Variants in ZBBX observed in about 807,000 individuals in gnomAD.
The protein encoded by ZBBX is zinc finger B-box domain-containing protein 1.
In ZBBX, 101 loss-of-function variants were observed where a neutral mutation model predicts 108.5. The ratio of observed to expected loss-of-function variants is 0.93; its 90% CI spans 0.79 to 1.10. The LOEUF (loss-of-function observed/expected upper bound fraction) is 1.10, where lower values mean the gene tolerates loss of function less well. ZBBX is among the 50% of genes least tolerant of loss of function. The pLI is 0.00. For missense variants in ZBBX, 1,009 were observed against 941.4 expected, an observed-to-expected ratio of 1.07 and a Z score of -0.94; for synonymous variants, 356 against 323.4, an observed-to-expected ratio of 1.10 and a Z score of -1.08.
rs1733529947 is a variant in ZBBX, at chr3:167,305,802, G to A, written c.1566C>T (p.Ser522=). Residue 522 remains serine, a synonymous_variant, in exon 17 of 22, where the codon TCC becomes TCT. Transcript: ENST00000675490. ...TGTCCTTGCTTTCAAGTGATACACA[G>A]GAATCATCAGACTTTTGATTACTTT... ...GLESNQKSDD[S]CVSLESKDTL... is the part of the protein sequence containing the mutation. 6.2e-7 allele frequency: 1 copy of A among 1,612,736 alleles called. No homozygotes were observed. Among genetic ancestry groups the A allele is most frequent in the East Asian group, 2.2e-5 (1 of 44,750 alleles).
At chr3:167,388,543 C>G (rs1285297457) in intron 1 of ZBBX, among the ~76,000 whole-genome samples, 1 of 151,978 alleles carries the variant, frequency 6.6e-6, no homozygotes, top group Non-Finnish European at 1.5e-5. Context: ...GTATTAAGGA[C>G]TCAATCACTG....
chr3:167,186,254 T>C, the ZBBX span, among the ~76,000 whole-genome samples: 1 of 152,102 alleles, frequency 6.6e-6, no homozygotes, highest in Admixed American at 6.6e-5. Context: ...TCCAATTTTA[T>C]ATCCATTTGA....
chr3:167,352,981 T>C (rs939913339), intron 8 of ZBBX, among the ~76,000 whole-genome samples: 2 of 151,990 alleles, frequency 1.3e-5, no homozygotes, highest in Admixed American at 6.6e-5. Flanking sequence ...CACAAAATAA[T>C]AAAAGTCATA....
the ZBBX span, among the ~76,000 whole-genome samples, chr3:167,232,495 G>C: frequency 7.3e-5 from 11 of 151,704 alleles, no homozygotes; most frequent in African/African-American, 9.7e-5. Context: ...AGAAGAAAAT[G>C]GGTCCATTTC....
intron 12 of ZBBX, among the ~76,000 whole-genome samples, chr3:167,319,754 T>A (rs1391495168): frequency 6.6e-6 from 1 of 152,018 alleles, no homozygotes; most frequent in Admixed American, 6.6e-5. Context: ...GTGATATTTG[T>A]GATTCTGAAA....
At chr3:167,203,891 T>A in the ZBBX span, among the ~76,000 whole-genome samples, 8 of 152,176 alleles carry the variant, frequency 5.3e-5, no homozygotes, top group Non-Finnish European at 1.0e-4. Context: ...CCACAATAAA[T>A]TTTTAAGTAC....
chr3:167,331,651 A>G (rs1223343350), intron 10 of ZBBX: 1 of 984,782 alleles, frequency 1.0e-6, no homozygotes, highest in East Asian at 1.1e-4. Context: ...ACTGTCATAT[A>G]TCACGTCCAC....
At position 167,249,374 on chromosome 3, in the gene ZBBX, G is replaced by A. The variant is rs1722170486; in HGVS notation, c.2255-6731C>T. 1.3e-5 allele frequency among the ~76,000 whole-genome samples: 2 copies of A among 152,264 alleles called. 1 individual carries two copies. The highest frequency in any genetic ancestry group is 4.2e-4 in the South Asian group (2 of 4,818). ...TCTCAGGGAAGGTTGCAAGGGGCAA[G>A]CTCAAGCAACTAAAAATATGAGTCC... On this transcript the variant is annotated intron_variant, in intron 20 of 21. Transcript: ENST00000675490.
At chr3:167,276,227 C>G (rs1379782211) in intron 20 of ZBBX, among the ~76,000 whole-genome samples, 1 of 152,196 alleles carries the variant, frequency 6.6e-6, no homozygotes, top group African/African-American at 2.4e-5. Context: ...AGCAACGGAA[C>G]AAAGCTGGAT....
At chr3:167,242,468 A>G in intron 21 of ZBBX, 37 bp downstream of exon 21, 5 of 1,552,178 alleles carry the variant, frequency 3.2e-6, no homozygotes, top group Non-Finnish European at 4.3e-6. Context: ...ATTTTACTAC[A>G]TACTATATTA....
chr3:167,238,297 G>GT (rs1720313469), downstream of ZBBX, among the ~76,000 whole-genome samples: 1 of 152,028 alleles, frequency 6.6e-6, no homozygotes, highest in African/African-American at 2.4e-5. Context: ...GATTGTGACA[G>GT]AGGACATGTT....
At chr3:167,262,007 A>G (rs1003407698) in intron 20 of ZBBX, among the ~76,000 whole-genome samples, 1 of 152,070 alleles carries the variant, frequency 6.6e-6, no homozygotes, top group Non-Finnish European at 1.5e-5. Context: ...GTGACCCAAC[A>G]AGCTCCCAGG....
chr3:167,184,823 T>C, the ZBBX span, among the ~76,000 whole-genome samples: 8 of 152,188 alleles, frequency 5.3e-5, no homozygotes, highest in Admixed American at 1.3e-4. Flanking sequence ...AGAATGTGCA[T>C]GCTACACCTA....
At position 167,242,559 on chromosome 3, in the gene ZBBX, G is replaced by A. The variant is rs773880341; in HGVS notation, c.2339C>T (p.Thr780Ile). 91 of 1,613,630 alleles carry A rather than the reference G, an allele frequency of 5.6e-5. No individual in the cohort carries two copies. Among genetic ancestry groups the A allele is most frequent in the Non-Finnish European group, 7.5e-5 (88 of 1,179,784 alleles). Residue 780 changes from threonine (T) to isoleucine (I), a missense_variant, in exon 21 of 22, where the codon ACA becomes ATA. Physicochemically the swap from Thr to Ile is moderately conservative, Grantham distance 89. Transcript: ENST00000675490. ...SQSLNISQIS[T>I]DFLKTSHVRG... Reference sequence around the variant, plus strand: ...CACATGTGAGGTCTTAAGGAAATCTGTGGAAATCTGACTTATATTCAGTGA... The same window carrying A: ...CACATGTGAGGTCTTAAGGAAATCTATGGAAATCTGACTTATATTCAGTGA...
At chr3:167,235,349 T>C (rs576938805), downstream of ZBBX, among the ~76,000 whole-genome samples, 3 of 151,720 alleles carry the variant, frequency 2.0e-5, no homozygotes, top group South Asian at 6.2e-4. Flanking sequence ...TATAAAAATT[T>C]GACTATGTAA....
At chr3:167,391,970 G>A (rs995888963) in intron 1 of ZBBX, among the ~76,000 whole-genome samples, 2 of 151,468 alleles carry the variant, frequency 1.3e-5, no homozygotes, top group Non-Finnish European at 2.9e-5. Context: ...CCTACATGAA[G>A]CTCCAAGATA....
chr3:167,273,355 T>C (rs1726882208), intron 20 of ZBBX, among the ~76,000 whole-genome samples: 1 of 152,156 alleles, frequency 6.6e-6, no homozygotes, highest in Non-Finnish European at 1.5e-5. Context: ...TCAGATGGTC[T>C]CCCAGTCAAC....
At chr3:167,310,897 A>T (rs1200238670) in intron 16 of ZBBX, among the ~76,000 whole-genome samples, 2 of 152,236 alleles carry the variant, frequency 1.3e-5, no homozygotes, top group Non-Finnish European at 2.9e-5. Flanking sequence ...GGAAGATTTA[A>T]TATTGTTAAG....
chr3:167,398,489 C>G (rs1257005410), intron 1 of ZBBX, among the ~76,000 whole-genome samples: 1 of 151,882 alleles, frequency 6.6e-6, no homozygotes, highest in Non-Finnish European at 1.5e-5. Flanking sequence ...GAATTATAGG[C>G]CTTAAATTAT....
Sources: gnomAD v4.1 joint callset for allele counts (sites outside exome capture counted in the v4.1 genomes callset) on GRCh38, gnomAD v4.1.1 for gene constraint, MANE v1.5 for transcripts, NCBI Gene and HGNC (gene_info 2026-07-23, HGNC 2026-07-21) for gene names.